GALK2: variants seen among roughly 807,000 people sequenced by gnomAD.
GALK2 encodes the protein N-acetylgalactosamine kinase.
Under a neutral mutation model 52.4 loss-of-function variants are expected in GALK2, and 36 were observed. The observed-to-expected ratio is 0.69, with a 90% CI of 0.53 to 0.91. The LOEUF (loss-of-function observed/expected upper bound fraction) is 0.91, where lower values mean the gene tolerates loss of function less well. GALK2 is among the 40% of genes least tolerant of loss of function. The pLI, the probability that GALK2 is intolerant of heterozygous loss-of-function variation, is 0.00. For synonymous variants in GALK2, 176 were observed against 199.1 expected (o/e 0.88, Z 0.98); for missense variants, 579 against 559.1 (o/e 1.04, Z -0.36).
chr15:49,174,462 C>T (rs2085308861), intron 1 of GALK2, among the ~76,000 whole-genome samples: 1 of 152,172 alleles, frequency 6.6e-6, no homozygotes, highest in African/African-American at 2.4e-5. Flanking sequence ...TTTCCTGCCT[C>T]AGCCTCCCAA....
intron 8 of GALK2, among the ~76,000 whole-genome samples, chr15:49,310,850 C>G (rs1415484778): frequency 1.3e-5 from 2 of 152,112 alleles, no homozygotes; most frequent in Non-Finnish European, 2.9e-5. Flanking sequence ...TCTCTTCACT[C>G]TATTGATAGG....
chr15:49,238,617 C>T (rs2090948274), intron 4 of GALK2, among the ~76,000 whole-genome samples: 3 of 152,306 alleles, frequency 2.0e-5, no homozygotes, highest in South Asian at 2.1e-4. Flanking sequence ...GCCCTACTCT[C>T]GTCTCCCTAT....
intron 2 of GALK2, among the ~76,000 whole-genome samples, chr15:49,207,494 G>A (rs1296717291): frequency 2.0e-5 from 3 of 151,582 alleles, no homozygotes; most frequent in African/African-American, 7.3e-5. Context: ...CTTTTTTTTT[G>A]TTGGTAATTT....
chr15:49,156,959 G>A, intron 1 of GALK2: 1 of 335,328 alleles, frequency 3.0e-6, no homozygotes, highest in Non-Finnish European at 5.7e-6. Context: ...TGCTCTCATT[G>A]TGAGAGCATC....
intron 9 of GALK2, among the ~76,000 whole-genome samples, chr15:49,324,393 ACCCTGTC>A (rs1204968070): frequency 6.8e-6 from 1 of 146,770 alleles, no homozygotes; most frequent in African/African-American, 2.5e-5. Context: ...TAACATGCAT[ACCCTGTC>A]AAAAAAAAAA....
intron 5 of GALK2, among the ~76,000 whole-genome samples, chr15:49,272,706 G>A (rs2030898602): frequency 6.6e-6 from 1 of 152,102 alleles, no homozygotes; most frequent in African/African-American, 2.4e-5. Flanking sequence ...ACATTGTTAG[G>A]TACTAATAAG....
intron 8 of GALK2, among the ~76,000 whole-genome samples, chr15:49,299,744 TTTCTTTCTTTCTTTCTTTC>T (rs2034861652): frequency 1.1e-5 from 1 of 91,012 alleles, no homozygotes; most frequent in Non-Finnish European, 2.4e-5. Flanking sequence ...CTTTTCTTTC[TTTCTTTCTTTCTTTCTTTC>T]TTTCTTTCTT....
At chr15:49,208,294 A>G (rs1206495221) in intron 2 of GALK2, among the ~76,000 whole-genome samples, 2 of 152,140 alleles carry the variant, frequency 1.3e-5, no homozygotes, top group South Asian at 2.1e-4. Context: ...GTTTAGGGCT[A>G]TGAACTTTCC....
chr15:49,251,995 G>A (rs2141575519), intron 5 of GALK2, among the ~76,000 whole-genome samples: 1 of 152,230 alleles, frequency 6.6e-6, no homozygotes, highest in Non-Finnish European at 1.5e-5. Flanking sequence ...GCCCGGTGCG[G>A]TGCCTCATGC....
intron 5 of GALK2, among the ~76,000 whole-genome samples, chr15:49,244,329 A>G (rs1465424623): frequency 1.3e-5 from 2 of 152,066 alleles, no homozygotes; most frequent in Non-Finnish European, 1.5e-5. Context: ...GGTATAATAA[A>G]TGTAAAAGGC....
intron 1 of GALK2, chr15:49,162,003 G>A (rs1356785596): frequency 6.6e-6 from 1 of 152,344 alleles, no homozygotes; most frequent in African/African-American, 2.4e-5. Context: ...ACAGGCATGA[G>A]CCACCACTCC....
intron 3 of GALK2, chr15:49,366,025 G>A (rs932608810): frequency 7.5e-6 from 6 of 802,036 alleles, no homozygotes; most frequent in Non-Finnish European, 1.4e-5. Context: ...AACTGTAAGA[G>A]GACTAAAAGT....
At chr15:49,165,809 T>TC (rs1402297127), upstream of GALK2, among the ~76,000 whole-genome samples, 2 of 150,638 alleles carry the variant, frequency 1.3e-5, no homozygotes, top group Non-Finnish European at 3.0e-5. Flanking sequence ...TCTTTTTTTT[T>TC]TTTTTTTTAT....
chr15:49,329,314 A>C lies in GALK2; in HGVS notation c.*1155A>C. On this transcript the variant is annotated 3_prime_UTR_variant, in exon 10 of 10. Transcript: ENST00000560031. ...CTTTCTCTTGTGGATGGACTATAGGAAGCACTTTCTGAATTATGTAATGAT... is the reference window on the plus strand; with the variant it reads ...CTTTCTCTTGTGGATGGACTATAGGCAGCACTTTCTGAATTATGTAATGAT... 1.0e-6 allele frequency: 1 copy of C among 985,400 alleles called. No homozygotes were observed. The highest frequency in any genetic ancestry group is 1.2e-6 in the Non-Finnish European group (1 of 829,928). The allele number at this position is 985,400 out of a possible 1,614,324, so 61.0% of individuals were successfully genotyped here. A position where few individuals can be genotyped will look rare whatever the true frequency, so the allele number is the denominator to read the frequency against.
intron 2 of GALK2, among the ~76,000 whole-genome samples, chr15:49,207,095 C>G (rs1318547345): frequency 6.6e-6 from 1 of 152,162 alleles, no homozygotes; most frequent in Non-Finnish European, 1.5e-5. Context: ...TTGAGATGAT[C>G]ATGTGATTTT....
intron 8 of GALK2, among the ~76,000 whole-genome samples, chr15:49,305,277 CA>C (rs2035454393): frequency 6.6e-6 from 1 of 152,132 alleles, no homozygotes; most frequent in Non-Finnish European, 1.5e-5. Context: ...TGTGTATAGA[CA>C]CTAACAGTTT....
intron 3 of GALK2, among the ~76,000 whole-genome samples, chr15:49,351,321 T>A (rs1364976644): frequency 6.6e-6 from 1 of 152,186 alleles, no homozygotes; most frequent in African/African-American, 2.4e-5. Context: ...TCCTTTTAGA[T>A]CATGTTAAAG....
chr15:49,227,279 A>ATT (rs2090188107), intron 3 of GALK2, among the ~76,000 whole-genome samples: 1 of 152,162 alleles, frequency 6.6e-6, no homozygotes, highest in Non-Finnish European at 1.5e-5. Flanking sequence ...TAGTCATAAT[A>ATT]ATATTTGCTT....
At chr15:49,208,152 T>G (rs2141339631) in intron 2 of GALK2, among the ~76,000 whole-genome samples, 1 of 152,326 alleles carries the variant, frequency 6.6e-6, no homozygotes, top group African/African-American at 2.4e-5. Context: ...CAATTTCACT[T>G]AGTTCTGCTC....
Sources: allele counts gnomAD v4.1 joint callset (sites outside exome capture counted in the v4.1 genomes callset), GRCh38; gene constraint gnomAD v4.1.1; transcripts MANE v1.5; gene names NCBI Gene and HGNC (gene_info 2026-07-23, HGNC 2026-07-21).